ADAMTSL4: variants seen among roughly 807,000 people sequenced by gnomAD.
ADAMTSL4 encodes the protein ADAMTS-like protein 4.
ADAMTSL4 carries 97 observed loss-of-function variants against 122.8 expected under a neutral mutation model. The ratio of observed to expected loss-of-function variants is 0.79; its 90% CI spans 0.67 to 0.93. The LOEUF (loss-of-function observed/expected upper bound fraction) is 0.93, where lower values mean the gene tolerates loss of function less well. ADAMTSL4 is among the 40% of genes least tolerant of loss of function. The pLI is 0.00. For synonymous variants in ADAMTSL4, 592 were observed against 568.0 expected (o/e 1.04, Z -0.60); for missense variants, 1,408 against 1,453.5 (o/e 0.97, Z 0.51).
In ADAMTSL4 at chr1:150,552,685, C is replaced by T. The variant is rs1249937699; in HGVS notation, c.78+85C>T. 1.9e-5 allele frequency: 29 copies of T among 1,518,534 alleles called. No homozygotes were observed. Among genetic ancestry groups the T allele is most frequent in the African/African-American group, 4.1e-5 (3 of 72,310 alleles). 94.1% of individuals were successfully genotyped at this position (1,518,534 alleles called of 1,614,324 possible). ...GCTCCCACCCCATCTCTCCAGGCCA[C>T]GCCTCCATTCCCCACAGCCCACCCA... is the stretch of plus-strand genomic sequence containing the variant. On this transcript the variant is annotated intron_variant, in intron 4 of 18. Transcript: ENST00000271643. The surrounding 1 kb of genome is among the most constrained non-coding windows in gnomAD (Gnocchi z 4.0).
At position 150,552,474 on chromosome 1, in the gene ADAMTSL4, C is replaced by T. The variant is rs991695100; in HGVS notation, c.21-69C>T. ...TCAGGATATGGGAGCCGGCTGGGGG[C>T]GGAGGGCAGTGTTGCAACACCCCCT... On this transcript the variant is annotated intron_variant, in intron 3 of 18. Coordinates refer to ENST00000271643, the MANE Select transcript of ADAMTSL4 (RefSeq NM_019032.6). The surrounding 1 kb of genome is among the most constrained non-coding windows in gnomAD (Gnocchi z 4.0). 45 of 1,600,836 alleles carry T rather than the reference C, an allele frequency of 2.8e-5. 1 individual carries two copies. The East Asian group carries it at 2.9e-4, about 10-fold the overall frequency.
Position 150,553,487 on chromosome 1 carries a change from T to C in ADAMTSL4, c.496T>C (p.Leu166=). 1 of 1,613,824 alleles carries C rather than the reference T, an allele frequency of 6.2e-7. No individual in the cohort carries two copies. Among genetic ancestry groups the C allele is most frequent in the African/African-American group, 1.3e-5 (1 of 74,922 alleles). The stretch of plus-strand genomic sequence containing the variant: ...CGGTTATGGGAGAGTGCCCTTTGCA[T>C]TGCCACTGCACCGGAACCGCAGGCA... The part of the protein sequence containing the change: ...MFGYGRVPFA[L]PLHRNRRHPR... The change falls in exon 6 of 19, where the codon TTG becomes CTG. Residue 166 remains leucine (L), a synonymous_variant. Coordinates refer to ENST00000271643, the MANE Select transcript of ADAMTSL4 (RefSeq NM_019032.6).
chr1:150,559,103 C>G lies in ADAMTSL4; in HGVS notation c.2701C>G (p.Arg901Gly), dbSNP rs778152887. 1.2e-6 allele frequency: 2 copies of G among 1,612,812 alleles called. No individual in the cohort carries two copies. The highest frequency in any genetic ancestry group is 1.1e-5 in the South Asian group (1 of 91,050). The change falls in exon 16 of 19, where the codon CGC (arginine) becomes GGC (glycine). Residue 901 changes from arginine to glycine, a missense_variant. Physicochemically the swap from Arg to Gly is moderately radical, Grantham distance 125 (BLOSUM62 -2). Transcript: ENST00000271643. The surrounding 1 kb of genome is among the most constrained non-coding windows in gnomAD (Gnocchi z 4.1). The part of the protein sequence containing the change: ...CPTGSRPPDM[R>G]ACSLGPCERT... Reference sequence around the variant, plus strand: ...AACAGGAAGCCGGCCCCCTGACATGCGCGCCTGCAGCCTGGGGCCCTGTGA... The same window carrying G: ...AACAGGAAGCCGGCCCCCTGACATGGGCGCCTGCAGCCTGGGGCCCTGTGA...
rs189206564 is a variant in ADAMTSL4 at position 150,560,136 on chromosome 1, A to C, written c.3165A>C (p.Thr1055=). 6.2e-7 allele frequency: 1 copy of C among 1,613,996 alleles called. No individual in the cohort carries two copies. The highest frequency in any genetic ancestry group is 2.2e-5 in the East Asian group (1 of 44,880). Residue 1055 remains threonine (T), a synonymous_variant, in exon 19 of 19, where the codon ACA becomes ACC. Coordinates refer to ENST00000271643, the MANE Select transcript of ADAMTSL4 (RefSeq NM_019032.6). ...QARLCVYPYY[T]ATCCRSCAHV... is the part of the protein sequence containing the mutation. ...GGCTCTGCGTCTACCCCTACTACACAGCCACCTGTTGCCGCTCTTGCGCAC... is the reference window on the plus strand; with the variant it reads ...GGCTCTGCGTCTACCCCTACTACACCGCCACCTGTTGCCGCTCTTGCGCAC...
Position 150,556,615 on chromosome 1 carries a change from C to G in ADAMTSL4, c.1577-6C>G. 6.2e-7 allele frequency: 1 copy of G among 1,614,000 alleles called. No individual in the cohort carries two copies. Among genetic ancestry groups the G allele is most frequent in the Non-Finnish European group, 8.5e-7 (1 of 1,180,018 alleles). On this transcript the variant is annotated splice_polypyrimidine_tract_variant and splice_region_variant and intron_variant, in intron 9 of 18. Transcript: ENST00000271643. The surrounding 1 kb of genome is among the most constrained non-coding windows in gnomAD (Gnocchi z 4.1). ...AATTTCCCGATCTCTCACCTCTGAC[C>G]CGCAGCACTTCGTGGCCCTGGGGGC... is the stretch of plus-strand genomic sequence containing the variant.
In ADAMTSL4 at chr1:150,553,777, C is replaced by T. The variant is rs587728833; in HGVS notation, c.786C>T (p.Pro262=). ...GAGCCCAGGCCTCTGGCACAGAGCC[C>T]CCCTCACCCACGCACTCCTTAGGAG... ...HPRAQASGTE[P]PSPTHSLGEG... is the part of the protein sequence containing the mutation. The change falls in exon 6 of 19, where the codon CCC becomes CCT. Residue 262 remains proline (P), a synonymous_variant. Transcript: ENST00000271643. The T allele has an allele frequency of 6.2e-7, 1 of 1,613,916 alleles. No homozygotes were observed. Among genetic ancestry groups the T allele is most frequent in the African/African-American group, 1.3e-5 (1 of 74,980 alleles).
Position 150,556,514 on chromosome 1 carries a change from G to C in ADAMTSL4, c.1577-107G>C. 6.3e-7 allele frequency: 1 copy of C among 1,576,762 alleles called. No homozygotes were observed. The highest frequency in any genetic ancestry group is 8.7e-7 in the Non-Finnish European group (1 of 1,149,166). ...GAGTGAGGAAGCTGAGAGGGCTTGG[G>C]GGGATCTTAGGTTCTGGTGGGAGCT... On this transcript the variant is annotated intron_variant, in intron 9 of 18. Transcript: ENST00000271643. The surrounding 1 kb of genome is among the most constrained non-coding windows in gnomAD (Gnocchi z 4.1).
At position 150,560,900 on chromosome 1, in the gene ADAMTSL4, T is replaced by C. The variant is rs1672683929; in HGVS notation, c.*704T>C. The C allele has an allele frequency of 6.4e-6, 1 of 156,712 alleles. No individual in the cohort carries two copies. The highest frequency in any genetic ancestry group is 1.4e-5 in the Non-Finnish European group (1 of 71,420). 9.7% of individuals were successfully genotyped at this position (156,712 alleles called of 1,614,324 possible). On this transcript the variant is annotated 3_prime_UTR_variant, in exon 19 of 19. Coordinates refer to ENST00000271643, the MANE Select transcript of ADAMTSL4 (RefSeq NM_019032.6). ...TGAAATGGTTCCCACCCAGAACTAA[T>C]TTATTTTTTATTAAAGATGGTCATG...
chr1:150,558,237 C>A, intron 14 of ADAMTSL4, 88 bp downstream of exon 14: 3 of 1,589,608 alleles, frequency 1.9e-6, no homozygotes, highest in Non-Finnish European at 2.6e-6. Flanking sequence ...TTTTCATCAG[C>A]AGAAACTATT....
chr1:150,556,451 G>A lies in ADAMTSL4; in HGVS notation c.1576+85G>A. 6.3e-7 allele frequency: 1 copy of A among 1,586,294 alleles called. No individual in the cohort carries two copies. On this transcript the variant is annotated intron_variant, in intron 9 of 18. Coordinates refer to ENST00000271643, the MANE Select transcript of ADAMTSL4 (RefSeq NM_019032.6). The surrounding 1 kb of genome is among the most constrained non-coding windows in gnomAD (Gnocchi z 4.1). ...CTCAGAGCAGTGAGCAAGCCAAACA[G>A]GGGGAAGTCCAGGGCCTAGCCCCTC...
intron 12 of ADAMTSL4, 40 bp downstream of exon 12, chr1:150,557,375 C>T (rs761437591): frequency 8.9e-5 from 142 of 1,601,748 alleles, no homozygotes; most frequent in Non-Finnish European, 1.1e-4. Context: ...TCGGTCCAAA[C>T]CCCCCAACTG....
intron 2 of ADAMTSL4, chr1:150,550,392 G>C: frequency 2.3e-6 from 1 of 444,046 alleles, no homozygotes. Flanking sequence ...GCCTGGCCCG[G>C]GCCCCGGGAG....
Position 150,553,437 on chromosome 1 carries a change from G to T in ADAMTSL4, c.446G>T (p.Arg149Leu). The T allele has an allele frequency of 6.2e-7, 1 of 1,613,828 alleles. No homozygotes were observed. The highest frequency in any genetic ancestry group is 8.5e-7 in the Non-Finnish European group (1 of 1,179,950). ...AAACACCTTCTCAGGTCCCGGCTTC[G>T]AGACCCCATCAAGCCAGGAATGTTC... ...EIRAARRSRL[R>L]DPIKPGMFGY... The change falls in exon 6 of 19, where the codon CGA becomes CTA. Residue 149 changes from arginine to leucine, a missense_variant. Coordinates refer to ENST00000271643, the MANE Select transcript of ADAMTSL4 (RefSeq NM_019032.6).
chr1:150,552,728 C>T lies in ADAMTSL4; in HGVS notation c.78+128C>T. 1 of 1,356,194 alleles carries T rather than the reference C, an allele frequency of 7.4e-7. No homozygotes were observed. The highest frequency in any genetic ancestry group is 1.9e-5 in the Admixed American group (1 of 51,400). The allele number at this position is 1,356,194 out of a possible 1,614,324, so 84.0% of individuals were successfully genotyped here. ...CCCACCCACCTCCCCTGCCAACTCC[C>T]CAGTTCCTTGCCTCATAACACCAAG... On this transcript the variant is annotated intron_variant, in intron 4 of 18. Transcript: ENST00000271643. This position sits in a 1 kb window ranked among gnomAD's most constrained non-coding sequence, Gnocchi z 4.0.
chr1:150,558,557 T>C lies in ADAMTSL4; in HGVS notation c.2467T>C (p.Cys823Arg). 1 of 1,613,598 alleles carries C rather than the reference T, an allele frequency of 6.2e-7. No individual in the cohort carries two copies. The highest frequency in any genetic ancestry group is 8.5e-7 in the Non-Finnish European group (1 of 1,179,900). The change falls in exon 15 of 19, where the codon TGT becomes CGT. Residue 823 changes from cysteine to arginine, a missense_variant. By Grantham distance (180) the Cys-to-Arg change is radical. Transcript: ENST00000271643. ...NNGDEVSEQE[C>R]ASGPPQPPSR... is the part of the protein sequence containing the mutation. ...TGGTGATGAAGTGAGCGAGCAGGAG[T>C]GTGCGTCAGGCCCCCCGCAGCCCCC... is the stretch of plus-strand genomic sequence containing the variant.
chr1:150,558,387 C>A, intron 14 of ADAMTSL4, 86 bp from the exon 15 acceptor site: 1 of 1,593,034 alleles, frequency 6.3e-7, no homozygotes, highest in South Asian at 1.1e-5. Context: ...GGATCGAAGG[C>A]AGAGCCTGGT....
In ADAMTSL4 at chr1:150,554,718, C is replaced by G; in HGVS notation, c.1234+251C>G. 6.8e-7 allele frequency: 1 copy of G among 1,461,900 alleles called. No individual in the cohort carries two copies. The highest frequency in any genetic ancestry group is 9.2e-7 in the Non-Finnish European group (1 of 1,088,190). 90.6% of individuals were successfully genotyped at this position (1,461,900 alleles called of 1,614,324 possible). On this transcript the variant is annotated intron_variant, in intron 7 of 18. Coordinates refer to ENST00000271643, the MANE Select transcript of ADAMTSL4 (RefSeq NM_019032.6). This position sits in a 1 kb window ranked among gnomAD's most constrained non-coding sequence, Gnocchi z 4.0. ...CCGGACTCCCCTGGGAAGGCCATCACTGGGGGTCAGGTGGCTGTGACACAA... is the reference window on the plus strand; with the variant it reads ...CCGGACTCCCCTGGGAAGGCCATCAGTGGGGGTCAGGTGGCTGTGACACAA...
Position 150,559,067 on chromosome 1 carries a change from C to T in ADAMTSL4, c.2665C>T (p.Gln889Ter). 1 of 1,612,660 alleles carries T rather than the reference C, an allele frequency of 6.2e-7. No homozygotes were observed. Among genetic ancestry groups the T allele is most frequent in the Non-Finnish European group, 8.5e-7 (1 of 1,179,942 alleles). The change falls in exon 16 of 19, where the codon CAG becomes TAG. Residue 889 changes from glutamine (Q) to a stop codon, truncating the protein, a stop_gained. Coordinates refer to ENST00000271643, the MANE Select transcript of ADAMTSL4 (RefSeq NM_019032.6). LOFTEE classifies it high-confidence loss of function. This position sits in a 1 kb window ranked among gnomAD's most constrained non-coding sequence, Gnocchi z 4.1. ...GGGGGAAGCAGGAGCAGGAACTGGG[C>T]AGAGCTGTCCAACAGGAAGCCGGCC... The part of the protein sequence containing the change: ...GQGEAGAGTG[Q>*]SCPTGSRPPD...
chr1:150,557,241 G>A lies in ADAMTSL4; in HGVS notation c.1953G>A (p.Met651Ile), dbSNP rs1377243205. The A allele has an allele frequency of 1.3e-4, 201 of 1,596,656 alleles. No homozygotes were observed. Among genetic ancestry groups the A allele is most frequent in the Non-Finnish European group, 1.7e-4 (198 of 1,168,842 alleles). Residue 651 changes from methionine (M) to isoleucine (I), a missense_variant, in exon 12 of 19, where the codon ATG becomes ATA. Met to Ile is a conservative substitution (Grantham distance 10). Transcript: ENST00000271643. Reference protein sequence around the residue: ...TLQRQVRIPQMPAPPHPRTPL... With the variant: ...TLQRQVRIPQIPAPPHPRTPL... ...AGCGTCAGGTGCGGATCCCCCAGATGCCCGCCCCGCCCCATCCCAGGACAC... is the reference window on the plus strand; with the variant it reads ...AGCGTCAGGTGCGGATCCCCCAGATACCCGCCCCGCCCCATCCCAGGACAC...
Sources: gnomAD v4.1 joint callset for allele counts on GRCh38, gnomAD v4.1.1 for gene constraint, Gnocchi (gnomAD v3.1) non-coding constraint, MANE v1.5 for transcripts, NCBI Gene and HGNC (gene_info 2026-07-23, HGNC 2026-07-21) for gene names.